ARL15: variants seen among roughly 807,000 people sequenced by gnomAD.
The protein encoded by ARL15 is ADP-ribosylation factor-like protein 15.
A neutral mutation model predicts 25.2 loss-of-function variants in ARL15; 19 were observed. The ratio of observed to expected loss-of-function variants is 0.75; its 90% confidence interval spans 0.53 to 1.10. ARL15 has a LOEUF of 1.10. Among genes scored for constraint, ARL15 ranks in the 50% least tolerant of loss-of-function variants. The probability of loss-of-function intolerance (pLI) is 0.00; values close to 1 mark genes in which losing one functional copy is unlikely to be tolerated. For missense variants in ARL15, 220 were observed against 246.0 expected, an observed-to-expected ratio of 0.89 and a Z score of 0.71; for synonymous variants, 94 against 86.8, an observed-to-expected ratio of 1.08 and a Z score of -0.46.
chr5:54,181,842 T>C (rs1755067835), intron 1 of ARL15, among the ~76,000 whole-genome samples: 2 of 151,514 alleles, frequency 1.3e-5, no homozygotes, highest in African/African-American at 4.9e-5. Context: ...ATTGCCATTC[T>C]AACTGGTGTG....
At chr5:53,973,792 G>C (rs949411692) in intron 4 of ARL15, among the ~76,000 whole-genome samples, 2 of 151,972 alleles carry the variant, frequency 1.3e-5, no homozygotes, top group African/African-American at 4.8e-5. Flanking sequence ...CTTAACTGAG[G>C]TTAAATGATG....
Position 53,963,217 on chromosome 5 carries a change from G to C in ARL15, c.463-76504C>G, listed in dbSNP as rs1747427721. Among the ~76,000 whole-genome samples the C allele has an allele frequency of 2.0e-5, 3 of 152,166 alleles. No individual in the cohort carries two copies. The South Asian group carries it at 6.2e-4, about 32-fold the overall frequency. On this transcript the variant is annotated intron_variant, in intron 4 of 4. Coordinates refer to ENST00000504924, the MANE Select transcript of ARL15 (RefSeq NM_019087.3). ...CAATGAACGTGTTATCTCCAAAGAA[G>C]CAGATCACAGTGCAAGACTGTCAGA... is the stretch of plus-strand genomic sequence containing the variant.
chr5:54,126,320 G>T (rs1753250422), intron 3 of ARL15, among the ~76,000 whole-genome samples: 1 of 151,990 alleles, frequency 6.6e-6, no homozygotes, highest in Admixed American at 6.6e-5. Context: ...AACTCAATTT[G>T]TCCCCAAATA....
chr5:54,136,729 C>T (rs908816390), intron 3 of ARL15, among the ~76,000 whole-genome samples: 5 of 152,212 alleles, frequency 3.3e-5, no homozygotes, highest in Non-Finnish European at 5.9e-5. Context: ...ACAACGAACA[C>T]ATCATAAAAA....
At chr5:54,142,482 C>T (rs1448408068) in intron 3 of ARL15, among the ~76,000 whole-genome samples, 1 of 152,138 alleles carries the variant, frequency 6.6e-6, no homozygotes, top group Admixed American at 6.5e-5. Context: ...TCAGAAAGAA[C>T]AACTCAGAAC....
intron 4 of ARL15, among the ~76,000 whole-genome samples, chr5:54,074,946 T>TCCTGAGGAATTTTATATCC (rs1434873737): frequency 6.6e-6 from 1 of 151,426 alleles, no homozygotes; most frequent in Non-Finnish European, 1.5e-5. Context: ...AGTCTTTTAC[T>TCCTGAGGAATTTTATATCC]CCTTACACTC....
At chr5:53,954,573 T>C (rs534339974) in intron 4 of ARL15, among the ~76,000 whole-genome samples, 2 of 152,262 alleles carry the variant, frequency 1.3e-5, no homozygotes, top group African/African-American at 2.4e-5. Flanking sequence ...CACCAAATGC[T>C]TGATAACCTG....
At chr5:54,224,589 G>A (rs574609177) in intron 1 of ARL15, among the ~76,000 whole-genome samples, 5 of 152,242 alleles carry the variant, frequency 3.3e-5, no homozygotes, top group African/African-American at 1.2e-4. Context: ...TTCAGATACT[G>A]GATTGTGAAA....
intron 1 of ARL15, among the ~76,000 whole-genome samples, chr5:54,286,712 T>A (rs1758188951): frequency 6.6e-6 from 1 of 152,170 alleles, no homozygotes; most frequent in South Asian, 2.1e-4. Flanking sequence ...AAAATTCTGA[T>A]TAAAAAGTAT....
chr5:54,009,134 G>A (rs566282024), intron 4 of ARL15, among the ~76,000 whole-genome samples: 1 of 152,176 alleles, frequency 6.6e-6, no homozygotes, highest in Non-Finnish European at 1.5e-5. Context: ...ATGCAAAGGT[G>A]CCTTAATTCC....
At chr5:54,305,595 TAGCACAG>T (rs1758735956) in intron 1 of ARL15, among the ~76,000 whole-genome samples, 1 of 152,202 alleles carries the variant, frequency 6.6e-6, no homozygotes. Context: ...CTAACTAACA[TAGCACAG>T]AGCACACTAT....
At chr5:54,046,893 C>CAG (rs1484528152) in intron 4 of ARL15, among the ~76,000 whole-genome samples, 2 of 152,076 alleles carry the variant, frequency 1.3e-5, no homozygotes, top group Admixed American at 6.6e-5. Context: ...CAGGCCAGGG[C>CAG]CTTATGGGGA....
intron 4 of ARL15, among the ~76,000 whole-genome samples, chr5:53,972,949 T>C (rs1161379138): frequency 6.6e-6 from 1 of 152,210 alleles, no homozygotes; most frequent in Non-Finnish European, 1.5e-5. Context: ...GACCTAAAGA[T>C]ACTTGAAGAT....
intron 4 of ARL15, among the ~76,000 whole-genome samples, chr5:53,955,898 G>A (rs191494023): frequency 6.6e-6 from 1 of 152,190 alleles, no homozygotes; most frequent in East Asian, 1.9e-4. Flanking sequence ...AAACACATTC[G>A]AGGTGGAAAC....
intron 4 of ARL15, among the ~76,000 whole-genome samples, chr5:53,887,992 T>C (rs1744591292): frequency 6.6e-6 from 1 of 152,112 alleles, no homozygotes; most frequent in African/African-American, 2.4e-5. Context: ...ATTATGCTAA[T>C]TTAGGAACCA....
chr5:54,186,605 AT>A lies in ARL15; in HGVS notation c.49-14678del, dbSNP rs571248567. On this transcript the variant is annotated intron_variant, in intron 1 of 4. Coordinates refer to ENST00000504924, the MANE Select transcript of ARL15 (RefSeq NM_019087.3). ...AGCACCCACAAATCACTTATTGAAA[AT>A]TAAATACCAAAAAAAATTTTCCTTC... Among the ~76,000 whole-genome samples, 1,152 of 152,340 alleles carry A rather than the reference AT, an allele frequency of 7.6e-3. 15 individuals are homozygous for A. The highest frequency in any genetic ancestry group is 0.014 in the Non-Finnish European group (985 of 68,014).
intron 4 of ARL15, among the ~76,000 whole-genome samples, chr5:53,958,579 A>T (rs762162996): frequency 6.6e-6 from 1 of 152,214 alleles, no homozygotes; most frequent in Non-Finnish European, 1.5e-5. Flanking sequence ...TAGTTACTTG[A>T]AGTATAAATG....
At chr5:54,161,599 T>C (rs1347642748) in intron 2 of ARL15, among the ~76,000 whole-genome samples, 3 of 152,218 alleles carry the variant, frequency 2.0e-5, no homozygotes, top group Non-Finnish European at 4.4e-5. Flanking sequence ...TTATTCTTTT[T>C]ATGAATTATC....
At chr5:53,899,603 G>A (rs1412984076) in intron 4 of ARL15, among the ~76,000 whole-genome samples, 1 of 151,570 alleles carries the variant, frequency 6.6e-6, no homozygotes, top group Non-Finnish European at 1.5e-5. Context: ...GCATTCTGTT[G>A]GATCTCACCC....
Sources: allele counts gnomAD v4.1 joint callset (sites outside exome capture counted in the v4.1 genomes callset), GRCh38; gene constraint gnomAD v4.1.1; transcripts MANE v1.5; gene names NCBI Gene and HGNC (gene_info 2026-07-23, HGNC 2026-07-21).